The following PACSIN2 variants were observed in gnomAD, a reference collection of about 807,000 sequenced individuals.
PACSIN2 encodes the protein protein kinase C and casein kinase substrate in neurons protein 2.
PACSIN2 carries 25 observed loss-of-function variants against 63.8 expected under a neutral mutation model. The ratio of observed to expected loss-of-function variants is 0.39; its 90% CI spans 0.29 to 0.55. PACSIN2 has a LOEUF of 0.55. PACSIN2 is among the 20% of genes least tolerant of loss of function. PACSIN2 has a pLI of 0.62. For missense variants in PACSIN2, 518 were observed against 646.9 expected, an observed-to-expected ratio of 0.80 and a Z score of 2.16; for synonymous variants, 255 against 256.2, an observed-to-expected ratio of 1.00 and a Z score of 0.05.
intron 1 of PACSIN2, among the ~76,000 whole-genome samples, chr22:43,012,934 C>T (rs4820503): frequency 0.36 from 54,992 of 151,910 alleles, 11,079 homozygotes; most frequent in Non-Finnish European, 0.46. Context: ...AGATTACAGG[C>T]GTGAGCCACC....
At position 42,932,751 on chromosome 22, in the gene PACSIN2, T is replaced by TAA. The variant is rs552740061; in HGVS notation, c.-77-20596_-77-20595dup. Among the ~76,000 whole-genome samples, 480 of 136,800 alleles carry TAA rather than the reference T, an allele frequency of 3.5e-3. 6 individuals are homozygous for TAA. The highest frequency in any genetic ancestry group is 0.012 in the African/African-American group (454 of 37,608). 89.7% of individuals were successfully genotyped at this position (136,800 alleles called of 152,430 possible). ...TTGATGATTCTTACAAAGTCAATTC[T>TAA]AAAAAAAAAAAAAAGGAAAAAGCCA... On this transcript the variant is annotated intron_variant, in intron 1 of 10. Coordinates refer to ENST00000263246, the MANE Select transcript of PACSIN2 (RefSeq NM_001184970.3).
At chr22:42,927,292 C>T (rs1932598679) in intron 1 of PACSIN2, among the ~76,000 whole-genome samples, 1 of 151,824 alleles carries the variant, frequency 6.6e-6, no homozygotes, top group Admixed American at 6.6e-5. Context: ...GTTGCCCAGA[C>T]TGGAGCACAG....
At chr22:42,927,383 G>A (rs1032127730) in intron 1 of PACSIN2, among the ~76,000 whole-genome samples, 6 of 150,410 alleles carry the variant, frequency 4.0e-5, no homozygotes, top group African/African-American at 1.2e-4. Context: ...TAGCTGGGAC[G>A]ACAGGTGCCC....
At chr22:42,913,475 G>A (rs1304394235) in intron 1 of PACSIN2, among the ~76,000 whole-genome samples, 6 of 86,314 alleles carry the variant, frequency 7.0e-5, no homozygotes, top group South Asian at 4.2e-4. Flanking sequence ...GCGAAACTCC[G>A]TCTCCAAAAA....
At chr22:42,982,888 A>AAAAAAAAAAACAAAAAAC (rs759532303) in intron 1 of PACSIN2, among the ~76,000 whole-genome samples, 1 of 105,156 alleles carries the variant, frequency 9.5e-6, no homozygotes, top group Admixed American at 1.1e-4. Flanking sequence ...AAAAAAAAAA[A>AAAAAAAAAAACAAAAAAC]AACAACAACA....
At chr22:42,933,337 C>T (rs910548739) in intron 1 of PACSIN2, among the ~76,000 whole-genome samples, 1 of 152,164 alleles carries the variant, frequency 6.6e-6, no homozygotes, top group African/African-American at 2.4e-5. Flanking sequence ...GCCTGGAGGG[C>T]GGGCAAAGCC....
intron 1 of PACSIN2, among the ~76,000 whole-genome samples, chr22:42,971,833 G>A (rs1311697262): frequency 2.2e-5 from 3 of 136,268 alleles, no homozygotes; most frequent in East Asian, 2.4e-4. Context: ...CAGCAGCCCC[G>A]TCCGGGAGGG....
At chr22:42,993,194 A>G (rs1472029555) in intron 1 of PACSIN2, among the ~76,000 whole-genome samples, 1 of 152,092 alleles carries the variant, frequency 6.6e-6, no homozygotes, top group African/African-American at 2.4e-5. Context: ...AGGAAGAAGA[A>G]GAATACATAG....
At chr22:42,998,101 T>C (rs1008638514) in intron 1 of PACSIN2, among the ~76,000 whole-genome samples, 1 of 152,112 alleles carries the variant, frequency 6.6e-6, no homozygotes, top group African/African-American at 2.4e-5. Context: ...GATTTGAGAA[T>C]TAACTTTGAA....
At chr22:42,909,450 T>C in intron 2 of PACSIN2, 2 of 459,472 alleles carry the variant, frequency 4.4e-6, no homozygotes, top group South Asian at 1.6e-5. Flanking sequence ...CAGTTGGCAG[T>C]GTGCACCTGA....
chr22:42,995,008 C>T (rs1383491687), intron 1 of PACSIN2, among the ~76,000 whole-genome samples: 1 of 152,256 alleles, frequency 6.6e-6, no homozygotes, highest in Non-Finnish European at 1.5e-5. Context: ...TCCATTTAGG[C>T]TGCCTCCTGG....
chr22:43,013,516 G>A (rs1164881489), intron 1 of PACSIN2, among the ~76,000 whole-genome samples: 1 of 152,218 alleles, frequency 6.6e-6, no homozygotes, highest in African/African-American at 2.4e-5. Flanking sequence ...TCTCCATGAG[G>A]AGGCTGCATG....
At chr22:42,940,962 A>T (rs950725201) in intron 1 of PACSIN2, among the ~76,000 whole-genome samples, 5 of 152,234 alleles carry the variant, frequency 3.3e-5, no homozygotes, top group Non-Finnish European at 7.3e-5. Context: ...GTGTGTTCAC[A>T]GAGTTGTGCC....
At chr22:42,908,061 A>C (rs890476296) in intron 2 of PACSIN2, among the ~76,000 whole-genome samples, 2 of 152,330 alleles carry the variant, frequency 1.3e-5, no homozygotes. Context: ...ATTTGACACA[A>C]GATACTTATG....
At chr22:42,920,291 C>T (rs1317935000) in intron 1 of PACSIN2, among the ~76,000 whole-genome samples, 2 of 152,110 alleles carry the variant, frequency 1.3e-5, no homozygotes, top group Non-Finnish European at 1.5e-5. Flanking sequence ...CCCTGGGTGC[C>T]ATGCAAGATG....
chr22:42,977,816 G>A (rs1182153376), intron 1 of PACSIN2, among the ~76,000 whole-genome samples: 4 of 152,232 alleles, frequency 2.6e-5, no homozygotes, highest in South Asian at 2.1e-4. Flanking sequence ...GGTAAGACAC[G>A]CTTGCTTCCC....
At chr22:42,911,647 A>G (rs1425352923) in intron 2 of PACSIN2, among the ~76,000 whole-genome samples, 1 of 152,204 alleles carries the variant, frequency 6.6e-6, no homozygotes, top group African/African-American at 2.4e-5. Flanking sequence ...CCTTGTTTCT[A>G]CATAAAACTC....
chr22:43,008,294 A>T lies in PACSIN2; in HGVS notation c.-78+6727T>A, dbSNP rs988581165. 3.3e-5 allele frequency among the ~76,000 whole-genome samples: 5 copies of T among 151,976 alleles called. No homozygotes were observed. The East Asian group carries it at 9.6e-4, about 29-fold the overall frequency. ...GAGACAGAGTCTCACTCTGTCGCCC[A>T]GGCTGGAGTGCAGTGGCACAATCTC... is the stretch of plus-strand genomic sequence containing the variant. On this transcript the variant is annotated intron_variant, in intron 1 of 10. Coordinates refer to ENST00000263246, the MANE Select transcript of PACSIN2 (RefSeq NM_001184970.3).
intron 10 of PACSIN2, among the ~76,000 whole-genome samples, chr22:42,874,321 A>AT (rs1409418230): frequency 1.2e-5 from 1 of 83,044 alleles, no homozygotes; most frequent in South Asian, 3.7e-4. Flanking sequence ...CCGTGTCTCT[A>AT]TTAAAAAAAA....
Sources: gnomAD v4.1 joint callset for allele counts (sites outside exome capture counted in the v4.1 genomes callset) on GRCh38, gnomAD v4.1.1 for gene constraint, MANE v1.5 for transcripts, NCBI Gene and HGNC (gene_info 2026-07-23, HGNC 2026-07-21) for gene names.